The following ACYP2 variants were observed in gnomAD, a reference collection of about 807,000 sequenced individuals.
ACYP2 encodes acylphosphatase-2.
A neutral mutation model predicts 11.2 loss-of-function variants in ACYP2; 12 were observed. That is an observed-to-expected ratio of 1.08 (90% CI 0.69 to 1.74). The LOEUF is 1.74. Among genes scored for constraint, ACYP2 ranks in the 40% most tolerant of loss-of-function variants. ACYP2 has a pLI of 0.00. For missense variants in ACYP2, 134 were observed against 101.9 expected, an observed-to-expected ratio of 1.31 and a Z score of -1.35; for synonymous variants, 43 against 32.2, an observed-to-expected ratio of 1.33 and a Z score of -1.13.
chr2:54,139,073 G>C (rs927987286), intron 6 of ACYP2, among the ~76,000 whole-genome samples: 14 of 152,226 alleles, frequency 9.2e-5, no homozygotes, highest in Non-Finnish European at 2.9e-5. Context: ...GAAATTCTCA[G>C]AGTTGGGAGT....
At chr2:54,050,657 A>C (rs1573610197) in intron 2 of ACYP2, among the ~76,000 whole-genome samples, 1 of 152,156 alleles carries the variant, frequency 6.6e-6, no homozygotes, top group Non-Finnish European at 1.5e-5. Flanking sequence ...AAAAATGCAT[A>C]GTCATGTATA....
intron 2 of ACYP2, among the ~76,000 whole-genome samples, chr2:53,977,355 A>G (rs1671546441): frequency 6.6e-6 from 1 of 151,898 alleles, no homozygotes; most frequent in South Asian, 2.1e-4. Flanking sequence ...AGGCCTGGGA[A>G]TTTAACCTGT....
chr2:54,136,410 G>A (rs1681238968), intron 5 of ACYP2, among the ~76,000 whole-genome samples: 1 of 151,970 alleles, frequency 6.6e-6, no homozygotes, highest in African/African-American at 2.4e-5. Flanking sequence ...TCTGAGGTGG[G>A]TCACTAGATT....
chr2:54,061,696 C>T (rs1166868886), intron 4 of ACYP2, among the ~76,000 whole-genome samples: 1 of 152,154 alleles, frequency 6.6e-6, no homozygotes, highest in Admixed American at 6.5e-5. Context: ...TAGTTTCCTA[C>T]AGCTGCTGTA....
chr2:54,253,966 A>T (rs914003223), intron 6 of ACYP2: 1 of 152,188 alleles, frequency 6.6e-6, no homozygotes. Context: ...GGAAGACAGA[A>T]GAGATTTATG....
At chr2:54,198,021 TG>T (rs1684587463) in intron 6 of ACYP2, among the ~76,000 whole-genome samples, 1 of 121,488 alleles carries the variant, frequency 8.2e-6, no homozygotes, top group East Asian at 2.2e-4. Context: ...TGTATTGTAT[TG>T]TATTGTATTG....
chr2:54,286,084 C>T (rs764349569), intron 6 of ACYP2, among the ~76,000 whole-genome samples: 2 of 150,128 alleles, frequency 1.3e-5, no homozygotes, highest in Admixed American at 6.6e-5. Flanking sequence ...ATACACCTAA[C>T]CTACTGAACA....
chr2:54,074,908 G>C (rs35936704), intron 4 of ACYP2, among the ~76,000 whole-genome samples: 88 of 152,176 alleles, frequency 5.8e-4, no homozygotes, highest in Non-Finnish European at 1.0e-3. Flanking sequence ...ATCCACTGAT[G>C]TAAGTCGTAA....
At chr2:54,182,171 T>C (rs1258272570) in intron 6 of ACYP2, among the ~76,000 whole-genome samples, 3 of 149,264 alleles carry the variant, frequency 2.0e-5, no homozygotes, top group Non-Finnish European at 4.4e-5. Context: ...GTGATTCTCC[T>C]GCCTCAGCCT....
intron 6 of ACYP2, among the ~76,000 whole-genome samples, chr2:54,267,618 C>T (rs1240775328): frequency 6.6e-6 from 1 of 152,204 alleles, no homozygotes; most frequent in Admixed American, 6.5e-5. Flanking sequence ...GAAAATGAGA[C>T]AGGAATTAAA....
chr2:54,220,117 A>G (rs552134102), intron 6 of ACYP2, among the ~76,000 whole-genome samples: 1 of 151,824 alleles, frequency 6.6e-6, no homozygotes, highest in East Asian at 1.9e-4. Flanking sequence ...ATATTGTTAC[A>G]TTTGAGGCCC....
intron 6 of ACYP2, chr2:54,255,176 TG>T: frequency 1.9e-6 from 3 of 1,613,858 alleles, no homozygotes; most frequent in Non-Finnish European, 2.5e-6. Context: ...ATGATTAGAG[TG>T]GAAAAAGACA....
chr2:53,999,868 C>G (rs1290100916), intron 2 of ACYP2, among the ~76,000 whole-genome samples: 2 of 152,046 alleles, frequency 1.3e-5, no homozygotes, highest in African/African-American at 4.8e-5. Context: ...AGATTAAAAC[C>G]CCATGCAAAT....
chr2:54,114,980 G>C (rs1057293604), intron 4 of ACYP2, among the ~76,000 whole-genome samples: 8 of 151,762 alleles, frequency 5.3e-5, no homozygotes, highest in African/African-American at 1.9e-4. Flanking sequence ...GCAGGCCCTT[G>C]ATTTCAAAAG....
At position 54,039,818 on chromosome 2, in the gene ACYP2, T is replaced by TG. The variant is rs1297663017; in HGVS notation, c.63-11140_63-11139insG. On this transcript the variant is annotated intron_variant, in intron 2 of 6. Coordinates refer to ENST00000607452, the MANE Select transcript of ACYP2 (RefSeq NM_001320586.2). ...CTTCTGTGTTTTATATTTGTTTTCT[T>TG]TTGTGTGTGTGTGTGTGTGTGTGTG... 1.2e-3 allele frequency among the ~76,000 whole-genome samples: 168 copies of TG among 138,296 alleles called. 1 individual carries two copies. The highest frequency in any genetic ancestry group is 9.4e-3 in the East Asian group (44 of 4,688). The allele number at this position is 138,296 out of a possible 152,430, so 90.7% of individuals were successfully genotyped here.
chr2:54,034,325 T>C (rs143788173), intron 2 of ACYP2, among the ~76,000 whole-genome samples: 2 of 152,354 alleles, frequency 1.3e-5, no homozygotes, highest in South Asian at 2.1e-4. Context: ...GCCACTGCAC[T>C]GCAGCTTGGG....
chr2:54,255,414 G>A (rs1687453387), intron 6 of ACYP2: 3 of 1,614,070 alleles, frequency 1.9e-6, no homozygotes, highest in Non-Finnish European at 1.7e-6. Context: ...CCGGGATATT[G>A]CGAATGATGT....
chr2:54,059,363 C>T (rs557497539), intron 4 of ACYP2, among the ~76,000 whole-genome samples: 12 of 152,052 alleles, frequency 7.9e-5, no homozygotes, highest in South Asian at 6.2e-4. Flanking sequence ...GGATTACAGG[C>T]GCCTGCAACC....
chr2:54,116,653 AAAG>A (rs1357961660), intron 4 of ACYP2, among the ~76,000 whole-genome samples: 5 of 152,176 alleles, frequency 3.3e-5, no homozygotes, highest in Non-Finnish European at 7.4e-5. Context: ...TTGGTGCCAA[AAAG>A]AAGAACTAGC....
Sources: gnomAD v4.1 joint callset for allele counts (sites outside exome capture counted in the v4.1 genomes callset) on GRCh38, gnomAD v4.1.1 for gene constraint, MANE v1.5 for transcripts, NCBI Gene and HGNC (gene_info 2026-07-23, HGNC 2026-07-21) for gene names.